The following GRID1 variants were observed in gnomAD, a reference collection of about 807,000 sequenced individuals.
The protein encoded by GRID1 is glutamate receptor ionotropic, delta-1.
GRID1 carries 28 observed loss-of-function variants against 98.0 expected under a neutral mutation model. The observed-to-expected ratio is 0.29, with a 90% CI of 0.21 to 0.39. The LOEUF (loss-of-function observed/expected upper bound fraction) is 0.39, where lower values mean the gene tolerates loss of function less well. GRID1 is among the 10% of genes least tolerant of loss of function. The pLI is 1.00. For missense variants in GRID1, 1,111 were observed against 1,340.5 expected (o/e 0.83, Z 2.67); for synonymous variants, 553 against 538.5 (o/e 1.03, Z -0.37).
At chr10:85,659,586 A>G (rs1181602064) in intron 12 of GRID1, among the ~76,000 whole-genome samples, 1 of 152,228 alleles carries the variant, frequency 6.6e-6, no homozygotes. Flanking sequence ...TGGGCCAGTG[A>G]TTGAACAATG....
chr10:85,602,645 T>G lies in GRID1; in HGVS notation c.2658A>C (p.Glu886Asp). The G allele has an allele frequency of 6.2e-7, 1 of 1,613,892 alleles. No individual in the cohort carries two copies. Among genetic ancestry groups the G allele is most frequent in the Non-Finnish European group, 8.5e-7 (1 of 1,179,900 alleles). Residue 886 changes from glutamate (E) to aspartate (D), a missense_variant, in exon 16 of 16, where the codon GAA becomes GAC. By Grantham distance (45) the Glu-to-Asp change is conservative. Transcript: ENST00000327946. The stretch of plus-strand genomic sequence containing the variant: ...GGGAAATCTGCTTGTGAGCAATGTC[T>G]TCATCCATGAGGCTGTTCATGCGCC... ...VHRRMNSLMDEDIAHKQISPA... is the reference protein window; with the variant it reads ...VHRRMNSLMDDDIAHKQISPA...
intron 12 of GRID1, among the ~76,000 whole-genome samples, chr10:85,673,235 T>C (rs1302523903): frequency 6.6e-6 from 1 of 152,220 alleles, no homozygotes; most frequent in Non-Finnish European, 1.5e-5. Context: ...TTCTTACAGA[T>C]GAGCAAAGAA....
intron 2 of GRID1, among the ~76,000 whole-genome samples, chr10:86,337,965 C>T (rs1354687262): frequency 6.6e-6 from 1 of 152,180 alleles, no homozygotes; most frequent in Non-Finnish European, 1.5e-5. Flanking sequence ...GCCTCGGCCT[C>T]CCGAAGTGCT....
intron 4 of GRID1, among the ~76,000 whole-genome samples, chr10:86,021,249 G>A (rs916139047): frequency 3.3e-5 from 5 of 152,092 alleles, no homozygotes; most frequent in East Asian, 1.9e-4. Flanking sequence ...GGGTTTCCTG[G>A]TAAGAATCTC....
At chr10:85,639,155 TGGC>T (rs1471333440) in intron 13 of GRID1, among the ~76,000 whole-genome samples, 2 of 152,204 alleles carry the variant, frequency 1.3e-5, no homozygotes, top group African/African-American at 4.8e-5. Flanking sequence ...AGCCCTGAAT[TGGC>T]AACAACTACA....
At chr10:85,838,268 C>T (rs185262976) in intron 8 of GRID1, among the ~76,000 whole-genome samples, 25 of 152,252 alleles carry the variant, frequency 1.6e-4, no homozygotes, top group Non-Finnish European at 2.9e-5. Flanking sequence ...ACTTCCCCAA[C>T]CTAGCTAGAG....
chr10:86,029,576 G>C (rs1843158513), intron 4 of GRID1, among the ~76,000 whole-genome samples: 1 of 152,118 alleles, frequency 6.6e-6, no homozygotes, highest in African/African-American at 2.4e-5. Context: ...CCAAAAATGA[G>C]GACTGGAGAG....
chr10:85,736,127 A>T (rs1166527763), intron 8 of GRID1, among the ~76,000 whole-genome samples: 1 of 135,796 alleles, frequency 7.4e-6, no homozygotes, highest in Non-Finnish European at 1.6e-5. Context: ...GGAGGGAGGG[A>T]GAAAGGAAGG....
intron 6 of GRID1, among the ~76,000 whole-genome samples, chr10:85,857,355 G>A (rs1276825962): frequency 6.6e-6 from 1 of 152,168 alleles, no homozygotes; most frequent in Non-Finnish European, 1.5e-5. Flanking sequence ...GGGGTCCAGG[G>A]TGGGCAGGCC....
At chr10:85,637,664 C>T (rs1465888518) in intron 13 of GRID1, among the ~76,000 whole-genome samples, 3 of 152,186 alleles carry the variant, frequency 2.0e-5, no homozygotes, top group Non-Finnish European at 2.9e-5. Context: ...CTCTAATTTC[C>T]TTTATCTTCC....
chr10:85,879,337 C>T (rs1025364384), intron 5 of GRID1, among the ~76,000 whole-genome samples: 3 of 152,126 alleles, frequency 2.0e-5, no homozygotes, highest in Non-Finnish European at 4.4e-5. Context: ...AGCACCACAC[C>T]ACACCTATTC....
intron 2 of GRID1, among the ~76,000 whole-genome samples, chr10:86,226,221 G>A (rs759364069): frequency 1.9e-4 from 29 of 151,778 alleles, no homozygotes; most frequent in South Asian, 6.2e-4. Context: ...ACCCCTGGCC[G>A]TCACACGTCA....
intron 2 of GRID1, among the ~76,000 whole-genome samples, chr10:86,221,904 C>T (rs1846259906): frequency 6.6e-6 from 1 of 150,582 alleles, no homozygotes; most frequent in Admixed American, 6.6e-5. Context: ...TCCTTCTCCT[C>T]CTCCTCCTCC....
At chr10:85,857,631 A>G (rs887996621) in intron 6 of GRID1, among the ~76,000 whole-genome samples, 6 of 152,170 alleles carry the variant, frequency 3.9e-5, no homozygotes, top group African/African-American at 1.4e-4. Context: ...TGTTGCACAA[A>G]CAACCCTCAG....
chr10:86,214,063 G>C (rs1303767351), intron 2 of GRID1, among the ~76,000 whole-genome samples: 1 of 152,038 alleles, frequency 6.6e-6, no homozygotes, highest in African/African-American at 2.4e-5. Context: ...CTCCCCACTT[G>C]TCCCAGATGG....
chr10:85,879,296 A>AC (rs1479545919), intron 5 of GRID1, among the ~76,000 whole-genome samples: 5 of 152,160 alleles, frequency 3.3e-5, no homozygotes, highest in Non-Finnish European at 5.9e-5. Flanking sequence ...AGAACTCTCC[A>AC]CCCCAAATCA....
chr10:85,949,276 C>T (rs1021141864), intron 4 of GRID1, among the ~76,000 whole-genome samples: 2 of 152,180 alleles, frequency 1.3e-5, no homozygotes, highest in Admixed American at 6.5e-5. Flanking sequence ...TCCCCAATCT[C>T]ATTTCCCAGA....
At chr10:86,301,964 C>A (rs930758564) in intron 2 of GRID1, among the ~76,000 whole-genome samples, 5 of 152,226 alleles carry the variant, frequency 3.3e-5, no homozygotes, top group Non-Finnish European at 7.3e-5. Context: ...CAAAAATGGG[C>A]TCAGACACAG....
chr10:86,109,183 C>G (rs1002164017), intron 4 of GRID1, among the ~76,000 whole-genome samples: 2 of 152,214 alleles, frequency 1.3e-5, no homozygotes, highest in Admixed American at 1.3e-4. Flanking sequence ...AGGTAGTTTC[C>G]CTCCTCTGTA....
Sources: gnomAD v4.1 joint callset for allele counts (sites outside exome capture counted in the v4.1 genomes callset) on GRCh38, gnomAD v4.1.1 for gene constraint, MANE v1.5 for transcripts, NCBI Gene and HGNC (gene_info 2026-07-23, HGNC 2026-07-21) for gene names.